TSPEAR: variants seen among roughly 807,000 people sequenced by gnomAD.
TSPEAR encodes thrombospondin-type laminin G domain and EAR repeat-containing protein.
Under a neutral mutation model 71.6 loss-of-function variants are expected in TSPEAR, and 69 were observed. The observed-to-expected ratio is 0.96, with a 90% confidence interval of 0.79 to 1.18. The LOEUF (loss-of-function observed/expected upper bound fraction) is 1.18. Ranked by LOEUF, TSPEAR falls within the 50% of genes most tolerant of loss-of-function variation. The pLI, the probability that TSPEAR is intolerant of heterozygous loss-of-function variation, is 0.00. For missense variants in TSPEAR, 971 were observed against 894.9 expected, an observed-to-expected ratio of 1.09 and a Z score of -1.09; for synonymous variants, 402 against 387.2, an observed-to-expected ratio of 1.04 and a Z score of -0.45.
intron 1 of TSPEAR, among the ~76,000 whole-genome samples, chr21:44,595,800 T>A (rs587685074): frequency 5.2e-4 from 79 of 152,324 alleles, no homozygotes; most frequent in African/African-American, 1.9e-3. Context: ...TCTGTACACA[T>A]AAATTTTTAA....
chr21:44,621,442 C>T (rs1262364651), intron 1 of TSPEAR, among the ~76,000 whole-genome samples: 4 of 152,222 alleles, frequency 2.6e-5, no homozygotes, highest in Non-Finnish European at 5.9e-5. Context: ...GTGGGCCCAG[C>T]CCCCGCCGAT....
intron 1 of TSPEAR, chr21:44,613,019 T>TC: frequency 7.8e-7 from 1 of 1,282,968 alleles, no homozygotes; most frequent in South Asian, 1.4e-5. Context: ...AGGTGACCTC[T>TC]CCCTCCTTAC....
intron 1 of TSPEAR, among the ~76,000 whole-genome samples, chr21:44,660,721 C>T (rs1222019744): frequency 2.0e-5 from 3 of 152,188 alleles, no homozygotes; most frequent in Non-Finnish European, 2.9e-5. Context: ...AATCCCAGCA[C>T]TTTGGGAGGC....
chr21:44,536,979 A>G (rs1209043584), intron 2 of TSPEAR, among the ~76,000 whole-genome samples: 2 of 152,216 alleles, frequency 1.3e-5, no homozygotes, highest in East Asian at 1.9e-4. Flanking sequence ...CCTATGAAAT[A>G]CCTCGAATTT....
chr21:44,596,437 C>T (rs1325360484), intron 1 of TSPEAR, among the ~76,000 whole-genome samples: 4 of 152,224 alleles, frequency 2.6e-5, no homozygotes, highest in African/African-American at 9.6e-5. Flanking sequence ...TGGGGCCACC[C>T]TAGAGTCTGT....
intron 1 of TSPEAR, among the ~76,000 whole-genome samples, chr21:44,656,759 T>G (rs986842234): frequency 6.6e-6 from 1 of 152,226 alleles, no homozygotes; most frequent in African/African-American, 2.4e-5. Flanking sequence ...AACTTATTTA[T>G]GGTTCAGTAT....
At chr21:44,620,222 C>T (rs1380868042) in intron 1 of TSPEAR, among the ~76,000 whole-genome samples, 1 of 152,212 alleles carries the variant, frequency 6.6e-6, no homozygotes, top group East Asian at 1.9e-4. Flanking sequence ...CTTCATCTGG[C>T]AAAGTGATCC....
intron 1 of TSPEAR, among the ~76,000 whole-genome samples, chr21:44,665,398 G>T (rs1163049732): frequency 6.6e-6 from 1 of 152,232 alleles, no homozygotes; most frequent in East Asian, 1.9e-4. Flanking sequence ...GACAGTCACA[G>T]CAGAGCCCCC....
intron 1 of TSPEAR, chr21:44,690,594 A>G (rs1465045379): frequency 2.0e-6 from 2 of 985,490 alleles, no homozygotes; most frequent in African/African-American, 3.5e-5. Context: ...CCACGCTTTC[A>G]AAGATGAGCA....
chr21:44,515,774 C>T (rs1329149083), intron 9 of TSPEAR: 2 of 152,268 alleles, frequency 1.3e-5, no homozygotes. Context: ...GTTCCACGAA[C>T]ACCTCCCGAC....
intron 2 of TSPEAR, among the ~76,000 whole-genome samples, chr21:44,566,987 C>T (rs782725218): frequency 2.6e-5 from 4 of 151,558 alleles, no homozygotes; most frequent in Non-Finnish European, 5.9e-5. Context: ...GTACAAGCAA[C>T]AAAATAAAAA....
chr21:44,568,896 C>A (rs1331792794), intron 1 of TSPEAR, among the ~76,000 whole-genome samples: 1 of 152,210 alleles, frequency 6.6e-6, no homozygotes, highest in Non-Finnish European at 1.5e-5. Context: ...TCCACTCTGG[C>A]ACCCTCTAGG....
intron 1 of TSPEAR, among the ~76,000 whole-genome samples, chr21:44,696,958 TGA>T (rs1313529907): frequency 1.8e-4 from 27 of 152,098 alleles, no homozygotes; most frequent in Non-Finnish European, 3.2e-4. Flanking sequence ...CACACACCCT[TGA>T]GAGATATATA....
chr21:44,523,882 A>G (rs1555914614), intron 8 of TSPEAR, among the ~76,000 whole-genome samples: 1 of 151,416 alleles, frequency 6.6e-6, no homozygotes, highest in East Asian at 2.0e-4. Context: ...TTGGTCAGTC[A>G]TGAGTCAGGT....
At chr21:44,673,198 G>A (rs1171889189) in intron 1 of TSPEAR, among the ~76,000 whole-genome samples, 1 of 152,226 alleles carries the variant, frequency 6.6e-6, no homozygotes, top group Non-Finnish European at 1.5e-5. Context: ...CAGACTAACA[G>A]TGGATTTCTC....
At chr21:44,530,994 G>A (rs2052958645) in intron 4 of TSPEAR, 49 bp downstream of exon 4, 1 of 1,476,860 alleles carries the variant, frequency 6.8e-7, no homozygotes, top group Admixed American at 1.7e-5. Flanking sequence ...GCCTGGGGCA[G>A]TCCCATCCCG....
rs781810492 is a variant in TSPEAR, at chr21:44,654,536, G to A, written c.82+56897C>T. On this transcript the variant is annotated intron_variant, in intron 1 of 11. Transcript: ENST00000323084. ...CAGGAGGTCCCATAGCCCTCGGGTG[G>A]GTAGCAGGTGCTGGGGACACAGCAC... 6 of 1,612,074 alleles carry A rather than the reference G, an allele frequency of 3.7e-6. No individual in the cohort carries two copies. In the South Asian group the frequency reaches 6.6e-5, roughly 18 times the overall value.
chr21:44,614,900 T>C (rs1437125751), intron 1 of TSPEAR, among the ~76,000 whole-genome samples: 1 of 152,134 alleles, frequency 6.6e-6, no homozygotes, highest in African/African-American at 2.4e-5. Flanking sequence ...GCGGCCCAAA[T>C]GGCCTTGGAA....
At chr21:44,526,756 A>T (rs1046608925) in intron 7 of TSPEAR, among the ~76,000 whole-genome samples, 3 of 152,138 alleles carry the variant, frequency 2.0e-5, no homozygotes, top group African/African-American at 7.2e-5. Flanking sequence ...AGGAAACCCC[A>T]TCCTTCCCAT....
Sources: gnomAD v4.1 joint callset for allele counts (sites outside exome capture counted in the v4.1 genomes callset) on GRCh38, gnomAD v4.1.1 for gene constraint, MANE v1.5 for transcripts, NCBI Gene and HGNC (gene_info 2026-07-23, HGNC 2026-07-21) for gene names.